The following SCG5 variants were observed in gnomAD, a reference collection of about 807,000 sequenced individuals.
SCG5 encodes the protein secretogranin V, also known as neuroendocrine protein 7B2.
SCG5 carries 18 observed loss-of-function variants against 25.7 expected under a neutral mutation model. That is an observed-to-expected ratio of 0.70 (90% CI 0.48 to 1.04). SCG5 has a LOEUF of 1.04. Ranked by LOEUF, SCG5 falls within the 50% of genes least tolerant of loss-of-function variation. SCG5 has a pLI of 0.00. For missense variants in SCG5, 206 were observed against 259.8 expected, an observed-to-expected ratio of 0.79 and a Z score of 1.42; for synonymous variants, 101 against 91.7, an observed-to-expected ratio of 1.10 and a Z score of -0.58.
chr15:32,689,938 T>C (rs2054814949), intron 4 of SCG5, among the ~76,000 whole-genome samples: 1 of 150,410 alleles, frequency 6.6e-6, no homozygotes, highest in Admixed American at 6.7e-5. Flanking sequence ...GCCTCCTGGG[T>C]TCATGCCATT....
intron 5 of SCG5, among the ~76,000 whole-genome samples, chr15:32,692,887 A>G (rs116560669): frequency 0.011 from 1,702 of 152,256 alleles, 37 homozygotes; most frequent in African/African-American, 0.039. Flanking sequence ...AACACAGAAG[A>G]CATACAGCAA....
chr15:32,696,766 C>T lies in SCG5; in HGVS notation c.*157C>T, dbSNP rs377572782. 524 of 438,112 alleles carry T rather than the reference C, an allele frequency of 1.2e-3. 10 individuals are homozygous for T. The South Asian group carries it at 0.03, about 25-fold the overall frequency. The allele number at this position is 438,112 out of a possible 1,614,324, so 27.1% of individuals were successfully genotyped here. A position where few individuals can be genotyped will look rare whatever the true frequency, so the allele number is the denominator to read the frequency against. On this transcript the variant is annotated 3_prime_UTR_variant, in exon 6 of 6. Coordinates refer to ENST00000300175, the MANE Select transcript of SCG5 (RefSeq NM_001144757.3). The stretch of plus-strand genomic sequence containing the variant: ...TGTAGATAGTGTATTGTCTTCACAC[C>T]GATGATTCTGCTTTTTGCTAAATTA...
intron 4 of SCG5, among the ~76,000 whole-genome samples, chr15:32,689,521 G>A (rs1341197990): frequency 6.6e-6 from 1 of 152,146 alleles, no homozygotes; most frequent in Admixed American, 6.6e-5. Flanking sequence ...CCAAAATCTT[G>A]ATGGCACTAT....
At chr15:32,647,018 A>G (rs1055932794) in intron 2 of SCG5, among the ~76,000 whole-genome samples, 3 of 152,234 alleles carry the variant, frequency 2.0e-5, no homozygotes, top group African/African-American at 7.2e-5. Flanking sequence ...TACACTTAAC[A>G]TGGTGCTTAT....
At chr15:32,689,459 C>T (rs1488972217) in intron 4 of SCG5, among the ~76,000 whole-genome samples, 4 of 152,120 alleles carry the variant, frequency 2.6e-5, no homozygotes, top group Non-Finnish European at 4.4e-5. Flanking sequence ...CTCCAGGAAG[C>T]TCCCTGGCTG....
chr15:32,683,872 G>C (rs572197538), intron 3 of SCG5, among the ~76,000 whole-genome samples: 1 of 152,358 alleles, frequency 6.6e-6, no homozygotes, highest in East Asian at 1.9e-4. Flanking sequence ...AGCCAAAGTA[G>C]TTTCTAAACT....
At chr15:32,655,887 TA>T (rs1460784378) in intron 2 of SCG5, among the ~76,000 whole-genome samples, 1 of 152,206 alleles carries the variant, frequency 6.6e-6, no homozygotes, top group Non-Finnish European at 1.5e-5. Context: ...TCACTTGGTC[TA>T]AAGTATTTTT....
intron 2 of SCG5, among the ~76,000 whole-genome samples, chr15:32,676,167 C>G (rs1266913666): frequency 1.6e-4 from 25 of 152,172 alleles, no homozygotes; most frequent in Admixed American, 1.2e-3. Context: ...TTTACTTCTG[C>G]ATATCTCCCT....
chr15:32,693,631 T>C (rs543279900), intron 5 of SCG5, among the ~76,000 whole-genome samples: 1 of 152,224 alleles, frequency 6.6e-6, no homozygotes, highest in African/African-American at 2.4e-5. Flanking sequence ...AACAATGAAG[T>C]CTTCCTTCAG....
chr15:32,665,588 T>C (rs1438185198), intron 2 of SCG5: 1 of 152,252 alleles, frequency 6.6e-6, no homozygotes, highest in Non-Finnish European at 1.5e-5. Context: ...ACTATTTGTC[T>C]CTGATCAAAA....
At chr15:32,676,179 A>T (rs1246059755) in intron 2 of SCG5, among the ~76,000 whole-genome samples, 2 of 152,182 alleles carry the variant, frequency 1.3e-5, no homozygotes, top group Admixed American at 6.5e-5. Flanking sequence ...TATCTCCCTC[A>T]GTTCCTACCT....
chr15:32,693,626 T>C (rs1315487541), intron 5 of SCG5, among the ~76,000 whole-genome samples: 1 of 152,218 alleles, frequency 6.6e-6, no homozygotes, highest in South Asian at 2.1e-4. Flanking sequence ...TTTTGAACAA[T>C]GAAGTCTTCC....
chr15:32,689,006 T>C (rs1489035122), intron 4 of SCG5, among the ~76,000 whole-genome samples: 1 of 151,204 alleles, frequency 6.6e-6, no homozygotes. Context: ...GGAAGAAGTT[T>C]TGGGGCTGTG....
At chr15:32,644,917 A>G (rs1406198464) in intron 2 of SCG5, among the ~76,000 whole-genome samples, 1 of 152,204 alleles carries the variant, frequency 6.6e-6, no homozygotes. Context: ...TTGTTGATAG[A>G]TGATTCTTAT....
chr15:32,692,366 C>A, intron 5 of SCG5: 1 of 759,514 alleles, frequency 1.3e-6, no homozygotes, highest in Non-Finnish European at 1.6e-6. Context: ...CAGGGCTGCC[C>A]AAGGTAGGAA....
chr15:32,671,199 AT>A (rs912384732), intron 2 of SCG5, among the ~76,000 whole-genome samples: 5 of 152,224 alleles, frequency 3.3e-5, no homozygotes, highest in African/African-American at 1.2e-4. Flanking sequence ...GCCTCTTTGT[AT>A]AAAAAGTGCT....
At chr15:32,663,782 G>T (rs543262849) in intron 2 of SCG5, among the ~76,000 whole-genome samples, 4 of 152,220 alleles carry the variant, frequency 2.6e-5, no homozygotes, top group African/African-American at 9.6e-5. Context: ...GAAGAAAATG[G>T]CATTTCCCTG....
intron 4 of SCG5, among the ~76,000 whole-genome samples, chr15:32,688,935 G>A (rs1392844978): frequency 1.4e-5 from 2 of 140,194 alleles, no homozygotes; most frequent in African/African-American, 2.7e-5. Context: ...GTCCGGCCTG[G>A]GCAAAAGAGC....
chr15:32,647,230 G>A (rs1195958883), intron 2 of SCG5, among the ~76,000 whole-genome samples: 2 of 152,130 alleles, frequency 1.3e-5, no homozygotes, highest in Admixed American at 6.6e-5. Context: ...ACTGTGCTAC[G>A]ATGAAATAAT....
Sources: gnomAD v4.1 joint callset for allele counts (sites outside exome capture counted in the v4.1 genomes callset) on GRCh38, gnomAD v4.1.1 for gene constraint, MANE v1.5 for transcripts, NCBI Gene and HGNC (gene_info 2026-07-23, HGNC 2026-07-21) for gene names.